ASAP1: variants seen among roughly 807,000 people sequenced by gnomAD.
ASAP1 encodes arf-GAP with SH3 domain, ANK repeat and PH domain-containing protein 1.
In ASAP1, 43 loss-of-function variants were observed where a neutral mutation model predicts 145.2. The ratio of observed to expected loss-of-function variants is 0.30; its 90% CI spans 0.23 to 0.38. The LOEUF is 0.38. Among genes scored for constraint, ASAP1 ranks in the 10% least tolerant of loss-of-function variants. The probability of loss-of-function intolerance (pLI) is 1.00; values close to 1 mark genes in which losing one functional copy is unlikely to be tolerated. For missense variants in ASAP1, 1,018 were observed against 1,355.3 expected (o/e 0.75, Z 3.91); for synonymous variants, 546 against 515.5 (o/e 1.06, Z -0.80).
intron 3 of ASAP1, among the ~76,000 whole-genome samples, chr8:130,327,405 G>A (rs1397897722): frequency 6.6e-6 from 1 of 152,194 alleles, no homozygotes; most frequent in Non-Finnish European, 1.5e-5. Flanking sequence ...TAGGGACCTT[G>A]TTATGGTGTG....
chr8:130,242,261 TA>T (rs571916495), intron 3 of ASAP1, among the ~76,000 whole-genome samples: 25,020 of 85,188 alleles, frequency 0.29, 2,502 homozygotes, highest in African/African-American at 0.32. Flanking sequence ...GTGATTTCCT[TA>T]AAAAAAAAAA....
chr8:130,401,105 C>A lies in ASAP1; in HGVS notation c.59+780G>T, dbSNP rs1222651976. Among the ~76,000 whole-genome samples, 8 of 152,112 alleles carry A rather than the reference C, an allele frequency of 5.3e-5. No homozygotes were observed. The East Asian group carries it at 1.4e-3, about 26-fold the overall frequency. On this transcript the variant is annotated intron_variant, in intron 2 of 29. Coordinates refer to ENST00000518721, the MANE Select transcript of ASAP1 (RefSeq NM_018482.4). Reference sequence around the variant, plus strand: ...CCATGTTGGCCAGGCTGGTCTCGAACTCCTAACCTGAGGTGATTCTCCCGC... The same window carrying A: ...CCATGTTGGCCAGGCTGGTCTCGAAATCCTAACCTGAGGTGATTCTCCCGC...
At chr8:130,336,106 T>C (rs546513499) in intron 3 of ASAP1, among the ~76,000 whole-genome samples, 21 of 152,224 alleles carry the variant, frequency 1.4e-4, no homozygotes, top group African/African-American at 5.1e-4. Flanking sequence ...ATTAAGATAA[T>C]GCAAAACAAA....
At chr8:130,252,880 A>G (rs1436388941) in intron 3 of ASAP1, among the ~76,000 whole-genome samples, 1 of 152,196 alleles carries the variant, frequency 6.6e-6, no homozygotes, top group South Asian at 2.1e-4. Context: ...CAGACTGGAA[A>G]GAAGTTTCCT....
At chr8:130,127,274 TG>T in intron 16 of ASAP1, among the ~76,000 whole-genome samples, 1 of 152,316 alleles carries the variant, frequency 6.6e-6, no homozygotes, top group Admixed American at 6.5e-5. Flanking sequence ...TAGAGTGCAA[TG>T]GTGCAATCTT....
intron 3 of ASAP1, among the ~76,000 whole-genome samples, chr8:130,353,047 T>C (rs904058517): frequency 2.0e-5 from 3 of 152,240 alleles, no homozygotes; most frequent in Non-Finnish European, 4.4e-5. Context: ...AATCTGTATA[T>C]TGACTACATG....
chr8:130,088,160 C>T (rs972548139), intron 25 of ASAP1, among the ~76,000 whole-genome samples: 6 of 152,016 alleles, frequency 3.9e-5, no homozygotes, highest in Non-Finnish European at 5.9e-5. Flanking sequence ...GAAGGAGTTT[C>T]GCTCTTGTTG....
intron 3 of ASAP1, among the ~76,000 whole-genome samples, chr8:130,263,511 G>A (rs1269037716): frequency 6.6e-6 from 1 of 152,212 alleles, no homozygotes; most frequent in Admixed American, 6.5e-5. Context: ...AGACATCCTT[G>A]AGAGACACCA....
chr8:130,213,897 C>T (rs1214043353), intron 5 of ASAP1, among the ~76,000 whole-genome samples: 1 of 152,174 alleles, frequency 6.6e-6, no homozygotes, highest in Admixed American at 6.5e-5. Context: ...CCACACACGA[C>T]TGCCTGGCAA....
At chr8:130,184,459 A>C (rs1329711225) in intron 7 of ASAP1, among the ~76,000 whole-genome samples, 2 of 152,252 alleles carry the variant, frequency 1.3e-5, no homozygotes. Context: ...TTCCATTAGA[A>C]GCACATTTGT....
At chr8:130,126,983 G>C (rs1352708287) in intron 16 of ASAP1, among the ~76,000 whole-genome samples, 1 of 152,180 alleles carries the variant, frequency 6.6e-6, no homozygotes, top group African/African-American at 2.4e-5. Flanking sequence ...TTGGGATCTT[G>C]CTCACAGGGG....
At chr8:130,197,714 A>G (rs779734036) in intron 5 of ASAP1, among the ~76,000 whole-genome samples, 3 of 152,242 alleles carry the variant, frequency 2.0e-5, no homozygotes, top group African/African-American at 4.8e-5. Flanking sequence ...ATGCACCTGA[A>G]TGTGTGTTCT....
chr8:130,365,227 C>T (rs879784364), intron 2 of ASAP1, among the ~76,000 whole-genome samples: 6 of 152,174 alleles, frequency 3.9e-5, no homozygotes, highest in Non-Finnish European at 8.8e-5. Context: ...GAGATAAGCA[C>T]AATTTGCTCA....
At chr8:130,388,714 G>A (rs1035435161) in intron 2 of ASAP1, among the ~76,000 whole-genome samples, 14 of 152,146 alleles carry the variant, frequency 9.2e-5, no homozygotes, top group Non-Finnish European at 8.8e-5. Context: ...GAGGAAGGGA[G>A]TGATCAACTG....
chr8:130,391,848 A>AGTTCTCTC (rs1828300904), intron 2 of ASAP1, among the ~76,000 whole-genome samples: 1 of 152,250 alleles, frequency 6.6e-6, no homozygotes, highest in African/African-American at 2.4e-5. Context: ...GGTTCTCTCA[A>AGTTCTCTC]ACAGGAAGCA....
intron 15 of ASAP1, among the ~76,000 whole-genome samples, chr8:130,128,314 TGAGA>T (rs1188893857): frequency 6.7e-6 from 1 of 149,382 alleles, no homozygotes; most frequent in Admixed American, 6.7e-5. Context: ...TAGGGGAAAA[TGAGA>T]GAGAGGAGAG....
At chr8:130,211,643 C>G (rs921863340) in intron 5 of ASAP1, among the ~76,000 whole-genome samples, 1 of 152,172 alleles carries the variant, frequency 6.6e-6, no homozygotes, top group Non-Finnish European at 1.5e-5. Flanking sequence ...TCTATCCTTT[C>G]CTTTTTCTCC....
intron 27 of ASAP1, among the ~76,000 whole-genome samples, chr8:130,076,034 G>A (rs1351071437): frequency 6.6e-6 from 1 of 152,190 alleles, no homozygotes; most frequent in Non-Finnish European, 1.5e-5. Context: ...AAGTGGTAGA[G>A]CTGGTGTTGG....
At chr8:130,126,240 G>A in intron 16 of ASAP1, 151 bp from the exon 17 acceptor site, 1 of 749,810 alleles carries the variant, frequency 1.3e-6, no homozygotes, top group Non-Finnish European at 2.0e-6. Context: ...GTTTAGCCTA[G>A]GGGCTACCAT....
Sources: gnomAD v4.1 joint callset for allele counts (sites outside exome capture counted in the v4.1 genomes callset) on GRCh38, gnomAD v4.1.1 for gene constraint, MANE v1.5 for transcripts, NCBI Gene and HGNC (gene_info 2026-07-23, HGNC 2026-07-21) for gene names.